Variants in NEMF observed in about 807,000 individuals in gnomAD.
NEMF encodes nuclear export mediator factor.
In NEMF, 89 loss-of-function variants were observed where a neutral mutation model predicts 162.2. The ratio of observed to expected loss-of-function variants is 0.55; its 90% confidence interval spans 0.46 to 0.65. NEMF has a LOEUF of 0.65. Ranked by LOEUF, NEMF falls within the 30% of genes least tolerant of loss-of-function variation. The pLI is 0.00. For synonymous variants in NEMF, 421 were observed against 404.5 expected (o/e 1.04, Z -0.49); for missense variants, 1,133 against 1,261.9 (o/e 0.90, Z 1.55).
At chr14:49,786,368 CTT>C (rs1374856170) in intron 29 of NEMF, 14 of 197,214 alleles carry the variant, frequency 7.1e-5, no homozygotes, top group Non-Finnish European at 7.2e-5. Flanking sequence ...TATGAATAAA[CTT>C]AGATTTAGGA....
Position 49,782,706 on chromosome 14 carries a change from C to A in NEMF, c.*1930G>T. The A allele has an allele frequency of 2.2e-6, 3 of 1,378,752 alleles. No individual in the cohort carries two copies. Among genetic ancestry groups the A allele is most frequent in the Non-Finnish European group, 3.0e-6 (3 of 1,003,802 alleles). 85.4% of individuals were successfully genotyped at this position (1,378,752 alleles called of 1,614,324 possible). A position where few individuals can be genotyped will look rare whatever the true frequency, so the allele number is the denominator to read the frequency against. On this transcript the variant is annotated 3_prime_UTR_variant, in exon 33 of 33. Transcript: ENST00000298310. ...ATTTAAGGGCAATAAAACTTCATTGCTATAACCAGTTCCTATGAAAATCTT... is the reference window on the plus strand; with the variant it reads ...ATTTAAGGGCAATAAAACTTCATTGATATAACCAGTTCCTATGAAAATCTT...
chr14:49,791,464 C>A (rs1270171456), intron 26 of NEMF, among the ~76,000 whole-genome samples: 2 of 151,752 alleles, frequency 1.3e-5, no homozygotes, highest in Non-Finnish European at 2.9e-5. Flanking sequence ...TGAGGCCAGG[C>A]ATGGTGGCTC....
chr14:49,800,947 G>A, intron 22 of NEMF: 1 of 394,430 alleles, frequency 2.5e-6, no homozygotes, highest in Non-Finnish European at 4.5e-6. Flanking sequence ...TTTCAACAAT[G>A]AAAACCACAA....
intron 6 of NEMF, among the ~76,000 whole-genome samples, chr14:49,835,470 T>A (rs935273058): frequency 2.0e-5 from 3 of 152,140 alleles, no homozygotes; most frequent in African/African-American, 4.8e-5. Flanking sequence ...TCAACACTAA[T>A]TCCTAATAAA....
chr14:49,846,269 G>T lies in NEMF; in HGVS notation c.232-4C>A. On this transcript the variant is annotated splice_polypyrimidine_tract_variant and splice_region_variant and intron_variant, in intron 3 of 32. Transcript: ENST00000298310. ...GACTCTTCAAATGTTTTCGGCACTAGCAAGAGAAAGAAAAAGGCATTCATT... is the reference window on the plus strand; with the variant it reads ...GACTCTTCAAATGTTTTCGGCACTATCAAGAGAAAGAAAAAGGCATTCATT... The T allele has an allele frequency of 6.2e-7, 1 of 1,608,436 alleles. No homozygotes were observed. The highest frequency in any genetic ancestry group is 8.5e-7 in the Non-Finnish European group (1 of 1,178,738).
chr14:49,835,062 T>G (rs1183448695), intron 6 of NEMF, among the ~76,000 whole-genome samples: 2 of 152,008 alleles, frequency 1.3e-5, no homozygotes, highest in Non-Finnish European at 2.9e-5. Flanking sequence ...TAGCCAGGCG[T>G]GGTGGCACAT....
Position 49,846,269 on chromosome 14 carries a change from G to A in NEMF, c.232-4C>T, listed in dbSNP as rs771917155. ...GACTCTTCAAATGTTTTCGGCACTA[G>A]CAAGAGAAAGAAAAAGGCATTCATT... On this transcript the variant is annotated splice_polypyrimidine_tract_variant and splice_region_variant and intron_variant, in intron 3 of 32. Transcript: ENST00000298310. 1.5e-5 allele frequency: 24 copies of A among 1,608,314 alleles called. 1 individual carries two copies. In the Admixed American group the frequency reaches 4.2e-4, roughly 28 times the overall value.
At chr14:49,843,379 A>G (rs939418673) in intron 4 of NEMF, among the ~76,000 whole-genome samples, 7 of 152,198 alleles carry the variant, frequency 4.6e-5, no homozygotes, top group African/African-American at 1.7e-4. Flanking sequence ...CTGTGGTACC[A>G]GCTACATGAA....
chr14:49,802,333 G>T, intron 22 of NEMF, 120 bp downstream of exon 22: 1 of 1,112,684 alleles, frequency 9.0e-7, no homozygotes, highest in Non-Finnish European at 1.3e-6. Flanking sequence ...CGTACTTTGG[G>T]TTTTCGGGGT....
intron 18 of NEMF, among the ~76,000 whole-genome samples, chr14:49,813,780 T>C (rs115501248): frequency 2.0e-5 from 3 of 151,934 alleles, no homozygotes; most frequent in Non-Finnish European, 4.4e-5. Context: ...TTTAAAAAAA[T>C]TTTTCTAGAG....
At chr14:49,848,069 T>C (rs978910322) in intron 3 of NEMF, among the ~76,000 whole-genome samples, 5 of 150,692 alleles carry the variant, frequency 3.3e-5, no homozygotes, top group African/African-American at 1.2e-4. Context: ...AGAGTCTCTC[T>C]GTTGCCCAGG....
At chr14:49,829,950 T>G (rs1292373325) in intron 11 of NEMF, among the ~76,000 whole-genome samples, 1 of 152,192 alleles carries the variant, frequency 6.6e-6, no homozygotes, top group Non-Finnish European at 1.5e-5. Context: ...GACTTTGTAT[T>G]TTTTGCTACT....
intron 15 of NEMF, among the ~76,000 whole-genome samples, chr14:49,826,865 G>A (rs986206750): frequency 3.3e-5 from 5 of 152,136 alleles, no homozygotes; most frequent in East Asian, 1.9e-4. Context: ...TGGTACTATC[G>A]TTAGTAATGA....
intron 1 of NEMF, 121 bp downstream of exon 1, chr14:49,852,574 G>C (rs900211198): frequency 8.4e-6 from 9 of 1,072,880 alleles, no homozygotes; most frequent in Non-Finnish European, 1.1e-5. Flanking sequence ...TCAGGCCTAG[G>C]CAGGTCCATA....
At chr14:49,836,940 T>A (rs1281924725) in intron 6 of NEMF, among the ~76,000 whole-genome samples, 9 of 152,150 alleles carry the variant, frequency 5.9e-5, no homozygotes, top group Admixed American at 2.0e-4. Flanking sequence ...AAGGTCAGTG[T>A]GGAATTTTCC....
In NEMF at chr14:49,831,352, C is replaced by T; in HGVS notation, c.892G>A (p.Glu298Lys). 1 of 1,597,760 alleles carries T rather than the reference C, an allele frequency of 6.3e-7. No individual in the cohort carries two copies. The highest frequency in any genetic ancestry group is 8.6e-7 in the Non-Finnish European group (1 of 1,165,702). ...TGGCCTTCTATCTTGGAATAAAATT[C>T]ATCCACCGCCTTATTAAAAAAACAA... ...EFESFDKAVD[E>K]FYSKIEGQKI... is the part of the protein sequence containing the mutation. Residue 298 changes from glutamate to lysine, a missense_variant, in exon 11 of 33, where the codon GAA becomes AAA. Coordinates refer to ENST00000298310, the MANE Select transcript of NEMF (RefSeq NM_004713.6).
At chr14:49,849,143 T>G (rs1893654389) in intron 3 of NEMF, among the ~76,000 whole-genome samples, 1 of 152,208 alleles carries the variant, frequency 6.6e-6, no homozygotes, top group African/African-American at 2.4e-5. Context: ...CCTATACTGA[T>G]TTGATTAAAC....
rs1189399036 is a variant in NEMF, at chr14:49,838,202, T to C, written c.511A>G (p.Thr171Ala). 6.2e-7 allele frequency: 1 copy of C among 1,613,750 alleles called. No individual in the cohort carries two copies. The highest frequency in any genetic ancestry group is 8.5e-7 in the Non-Finnish European group (1 of 1,179,832). ...TTAGGTGCGCTGGCTACTATTTCAG[T>C]CAACCTGTGAAACAAAACGGACATG... ...AEPLLTLERL[T>A]EIVASAPKGE... The change falls in exon 6 of 33, where the codon ACT becomes GCT. Residue 171 changes from threonine (T) to alanine (A), a missense_variant. This residue lies in a region of NEMF where 582 missense variants were observed against 631.5 expected (regional missense o/e 0.92). Transcript: ENST00000298310.
chr14:49,806,086 G>C lies in NEMF; in HGVS notation c.1792C>G (p.Leu598Val). Residue 598 changes from leucine (L) to valine (V), a missense_variant, in exon 19 of 33, where the codon CTT (leucine) becomes GTT (valine). Around this residue, in one of 3 missense-constraint regions of NEMF, gnomAD observed 532 missense variants for 578.6 expected, o/e 0.92. Coordinates refer to ENST00000298310, the MANE Select transcript of NEMF (RefSeq NM_004713.6). ...GCATCCCAAGCAGCACTGTAGCAAA[G>C]TGCCATTGTGCCAGCTTCAGTCAAG... The part of the protein sequence containing the change: ...RTLTEAGTMA[L>V]CYSAAWDARV... 1 of 1,612,346 alleles carries C rather than the reference G, an allele frequency of 6.2e-7. No individual in the cohort carries two copies. The highest frequency in any genetic ancestry group is 8.5e-7 in the Non-Finnish European group (1 of 1,179,466).
Sources: allele counts gnomAD v4.1 joint callset (sites outside exome capture counted in the v4.1 genomes callset), GRCh38; gene constraint gnomAD v4.1.1; regional missense constraint gnomAD v4.1.1; transcripts MANE v1.5; gene names NCBI Gene and HGNC (gene_info 2026-07-23, HGNC 2026-07-21).